WWTR1: variants seen among roughly 807,000 people sequenced by gnomAD.
The protein encoded by WWTR1 is WW domain containing transcription regulator 1.
A neutral mutation model predicts 40.1 loss-of-function variants in WWTR1; 13 were observed. The observed-to-expected ratio is 0.32, with a 90% CI of 0.21 to 0.52. The LOEUF is 0.52. Among genes scored for constraint, WWTR1 ranks in the 20% least tolerant of loss-of-function variants. WWTR1 has a pLI of 0.97. For synonymous variants in WWTR1, 230 were observed against 210.1 expected (o/e 1.09, Z -0.82); for missense variants, 436 against 523.1 (o/e 0.83, Z 1.63).
intron 1 of WWTR1, among the ~76,000 whole-genome samples, chr3:149,688,805 C>G (rs796366808): frequency 7.9e-5 from 12 of 152,064 alleles, no homozygotes; most frequent in African/African-American, 2.7e-4. Context: ...AAATAAGAAA[C>G]CAGTAACCAA....
Position 149,701,737 on chromosome 3 carries a change from C to T in WWTR1, c.-108+1387G>A, listed in dbSNP as rs532021808. On this transcript the variant is annotated intron_variant, in intron 1 of 7. Coordinates refer to the WWTR1 transcript ENST00000465804. Reference sequence around the variant, plus strand: ...TTGCTTTCTTTTTTGTCTTTTTAACCGTAAGCTGTTTAAGTTGAAGCGCTC... The same window carrying T: ...TTGCTTTCTTTTTTGTCTTTTTAACTGTAAGCTGTTTAAGTTGAAGCGCTC... 1.5e-4 allele frequency: 27 copies of T among 174,356 alleles called. No individual in the cohort carries two copies. In the South Asian group the frequency reaches 2.4e-3, roughly 16 times the overall value. 10.8% of individuals were successfully genotyped at this position (174,356 alleles called of 1,614,324 possible).
chr3:149,531,242 T>C (rs748253504), intron 4 of WWTR1, among the ~76,000 whole-genome samples: 4 of 152,182 alleles, frequency 2.6e-5, no homozygotes, highest in African/African-American at 9.7e-5. Flanking sequence ...GCCTGAATAA[T>C]AGCTTTGAAA....
chr3:149,527,835 C>A lies in WWTR1; in HGVS notation c.905+1G>T. On this transcript the variant is annotated splice_donor_variant, in intron 5 of 6. Transcript: ENST00000360632. LOFTEE classifies it high-confidence loss of function. The stretch of plus-strand genomic sequence containing the variant: ...TAAGTGGCCCCCAAATATTAACTTA[C>A]CCATTGAGGAAAGGATCTGAGCTAT... The A allele has an allele frequency of 6.2e-7, 1 of 1,613,998 alleles. No individual in the cohort carries two copies. The highest frequency in any genetic ancestry group is 8.5e-7 in the Non-Finnish European group (1 of 1,180,004).
At chr3:149,607,784 G>A (rs1739554450) in intron 2 of WWTR1, among the ~76,000 whole-genome samples, 1 of 152,180 alleles carries the variant, frequency 6.6e-6, no homozygotes, top group Non-Finnish European at 1.5e-5. Context: ...GACTGCAAAA[G>A]TCAACAAAGA....
intron 5 of WWTR1, among the ~76,000 whole-genome samples, chr3:149,715,856 G>T (rs902348944): frequency 4.6e-5 from 7 of 152,198 alleles, no homozygotes; most frequent in Non-Finnish European, 1.0e-4. Context: ...ATAGCAAAGA[G>T]TGATGGGGAT....
At chr3:149,708,601 C>T (rs1365202452) in intron 5 of WWTR1, among the ~76,000 whole-genome samples, 4 of 152,248 alleles carry the variant, frequency 2.6e-5, no homozygotes. Flanking sequence ...ACTTACTTCA[C>T]TTAATATGTC....
intron 3 of WWTR1, among the ~76,000 whole-genome samples, chr3:149,566,563 GA>G (rs1349681330): frequency 6.6e-6 from 1 of 150,476 alleles, no homozygotes; most frequent in Non-Finnish European, 1.5e-5. Flanking sequence ...ATTTGATTAA[GA>G]AAAAAACTAA....
At chr3:149,521,206 T>A (rs1256785027) in intron 6 of WWTR1, among the ~76,000 whole-genome samples, 2 of 152,182 alleles carry the variant, frequency 1.3e-5, no homozygotes, top group African/African-American at 4.8e-5. Flanking sequence ...GAAAGGAGCA[T>A]GTGAAAGGCA....
At chr3:149,582,860 T>C (rs956073896) in intron 2 of WWTR1, among the ~76,000 whole-genome samples, 2 of 152,248 alleles carry the variant, frequency 1.3e-5, no homozygotes, top group African/African-American at 2.4e-5. Flanking sequence ...AAATATGTAC[T>C]TGGTAGAGTC....
Position 149,650,674 on chromosome 3 carries a change from A to T in WWTR1, c.431+6202T>A, listed in dbSNP as rs1712812244. ...CCTCTTCCTCCCCTATCCCACACAC[A>T]AAAACAGCTCAATTTGTAGTGACAA... On this transcript the variant is annotated intron_variant, in intron 2 of 6. Transcript: ENST00000360632. 1.3e-5 allele frequency among the ~76,000 whole-genome samples: 2 copies of T among 152,170 alleles called. 1 individual carries two copies. Among genetic ancestry groups the T allele is most frequent in the South Asian group, 4.1e-4 (2 of 4,828 alleles).
In WWTR1 at chr3:149,519,157, T is replaced by C. The variant is rs1271778634; in HGVS notation, c.*1648A>G. On this transcript the variant is annotated 3_prime_UTR_variant, in exon 7 of 7. Coordinates refer to ENST00000360632, the MANE Select transcript of WWTR1 (RefSeq NM_015472.6). ...TTCAAAATATTAAACAGTTGAGGAC[T>C]TCATTGGCAATGCAGGCAGACTGCA... is the stretch of plus-strand genomic sequence containing the variant. 1 of 152,232 alleles carries C rather than the reference T, an allele frequency of 6.6e-6. No individual in the cohort carries two copies. The highest frequency in any genetic ancestry group is 1.5e-5 in the Non-Finnish European group (1 of 68,046). The allele number at this position is 152,232 out of a possible 1,614,324, so 9.4% of individuals were successfully genotyped here. A position where few individuals can be genotyped will look rare whatever the true frequency, so the allele number is the denominator to read the frequency against.
chr3:149,594,765 A>C (rs1434694554), intron 2 of WWTR1, among the ~76,000 whole-genome samples: 1 of 151,814 alleles, frequency 6.6e-6, no homozygotes, highest in Non-Finnish European at 1.5e-5. Context: ...GCTACAAAAG[A>C]CATTTTTGGA....
At chr3:149,532,379 A>T (rs1735625429) in intron 4 of WWTR1, among the ~76,000 whole-genome samples, 2 of 152,218 alleles carry the variant, frequency 1.3e-5, no homozygotes. Flanking sequence ...CCTTGGAGGG[A>T]TTAAACCAAA....
At chr3:149,556,777 A>T (rs1470303209) in intron 3 of WWTR1, among the ~76,000 whole-genome samples, 1 of 152,168 alleles carries the variant, frequency 6.6e-6, no homozygotes. Context: ...GGAGATTCTG[A>T]TCCCAAGCAA....
In WWTR1 at chr3:149,557,438, A is replaced by G. The variant is rs548295931; in HGVS notation, c.569-14901T>C. Among the ~76,000 whole-genome samples the G allele has an allele frequency of 3.3e-5, 5 of 152,278 alleles. No individual in the cohort carries two copies. The East Asian group carries it at 9.7e-4, about 29-fold the overall frequency. On this transcript the variant is annotated intron_variant, in intron 3 of 6. Coordinates refer to ENST00000360632, the MANE Select transcript of WWTR1 (RefSeq NM_015472.6). ...ACAGAGTCTAGATGACTTACGGGGA[A>G]GTACAGGAGAACTCCCTCTTACATC...
At chr3:149,651,970 C>G (rs562520476) in intron 2 of WWTR1, among the ~76,000 whole-genome samples, 1 of 148,990 alleles carries the variant, frequency 6.7e-6, no homozygotes, top group East Asian at 2.0e-4. Flanking sequence ...GGACTACAGG[C>G]GCCCGCTGCC....
chr3:149,620,119 G>GT lies in WWTR1; in HGVS notation c.431+36756dup, dbSNP rs1436142466. Among the ~76,000 whole-genome samples, 10 of 152,212 alleles carry GT rather than the reference G, an allele frequency of 6.6e-5. No homozygotes were observed. In the East Asian group the frequency reaches 1.7e-3, roughly 26 times the overall value. Reference sequence around the variant, plus strand: ...ACAGCTTTGTTGGGTAGGTGTTTTCGTATCATCTCAGTTTAGAGATGTTGC... The same window carrying GT: ...ACAGCTTTGTTGGGTAGGTGTTTTCGTTATCATCTCAGTTTAGAGATGTTGC... On this transcript the variant is annotated intron_variant, in intron 2 of 6. Coordinates refer to ENST00000360632, the MANE Select transcript of WWTR1 (RefSeq NM_015472.6).
chr3:149,614,071 T>C (rs968368628), intron 2 of WWTR1, among the ~76,000 whole-genome samples: 1 of 152,150 alleles, frequency 6.6e-6, no homozygotes, highest in Non-Finnish European at 1.5e-5. Flanking sequence ...TTTTGAGGGG[T>C]CTTGCTTGAA....
intron 4 of WWTR1, among the ~76,000 whole-genome samples, chr3:149,535,373 CG>C (rs1481443171): frequency 6.6e-6 from 1 of 151,466 alleles, no homozygotes; most frequent in Non-Finnish European, 1.5e-5. Context: ...CGGGGGACGG[CG>C]GGGGGAACAA....
Sources: gnomAD v4.1 joint callset for allele counts (sites outside exome capture counted in the v4.1 genomes callset) on GRCh38, gnomAD v4.1.1 for gene constraint, MANE v1.5 for transcripts, NCBI Gene and HGNC (gene_info 2026-07-23, HGNC 2026-07-21) for gene names.